The following CAPN2 variants were observed in gnomAD, a reference collection of about 807,000 sequenced individuals.
The protein encoded by CAPN2 is calpain-2 catalytic subunit.
CAPN2 carries 92 observed loss-of-function variants against 102.3 expected under a neutral mutation model. The observed-to-expected ratio is 0.90, with a 90% CI of 0.76 to 1.07. The LOEUF (loss-of-function observed/expected upper bound fraction) is 1.07, where lower values mean the gene tolerates loss of function less well. Ranked by LOEUF, CAPN2 falls within the 50% of genes least tolerant of loss-of-function variation. The pLI is 0.00. For missense variants in CAPN2, 800 were observed against 909.4 expected, an observed-to-expected ratio of 0.88 and a Z score of 1.55; for synonymous variants, 340 against 355.4, an observed-to-expected ratio of 0.96 and a Z score of 0.49.
Position 223,772,220 on chromosome 1 carries a change from T to A in CAPN2, c.2060T>A (p.Ile687Lys). Residue 687 changes from isoleucine to lysine, a missense_variant, in exon 20 of 21, where the codon ATA becomes AAA. By Grantham distance (102) the Ile-to-Lys change is moderately radical. Coordinates refer to ENST00000295006, the MANE Select transcript of CAPN2 (RefSeq NM_001748.5). ...KQLDPENTGTIELDLISWLCF... is the reference protein window; with the variant it reads ...KQLDPENTGTKELDLISWLCF... The stretch of plus-strand genomic sequence containing the variant: ...CTGGATCCCGAGAATACTGGAACAA[T>A]AGAGCTCGACCTTATCTCTGTGAGT... 1 of 1,614,098 alleles carries A rather than the reference T, an allele frequency of 6.2e-7. No homozygotes were observed. Among genetic ancestry groups the A allele is most frequent in the Non-Finnish European group, 8.5e-7 (1 of 1,179,994 alleles).
chr1:223,773,945 G>T (rs1459769966), intron 20 of CAPN2, among the ~76,000 whole-genome samples: 1 of 152,034 alleles, frequency 6.6e-6, no homozygotes, highest in East Asian at 1.9e-4. Flanking sequence ...AAGGTGGGAG[G>T]AACACCTGAG....
Position 223,759,268 on chromosome 1 carries a change from A to T in CAPN2, c.1318-2A>T. 6.2e-7 allele frequency: 1 copy of T among 1,613,618 alleles called. No homozygotes were observed. Among genetic ancestry groups the T allele is most frequent in the East Asian group, 2.2e-5 (1 of 44,882 alleles). ...CCCCATGTTTCTCTATTTATTCCTC[A>T]GTTAAGTGGGCAGACCAACATCCAC... On this transcript the variant is annotated splice_acceptor_variant, in intron 11 of 20. Coordinates refer to ENST00000295006, the MANE Select transcript of CAPN2 (RefSeq NM_001748.5). LOFTEE classifies it high-confidence loss of function. The surrounding 1 kb of genome is among the most constrained non-coding windows in gnomAD (Gnocchi z 4.6).
Position 223,717,796 on chromosome 1 carries a change from G to A in CAPN2, c.272G>A (p.Gly91Glu). The A allele has an allele frequency of 6.2e-7, 1 of 1,614,158 alleles. No individual in the cohort carries two copies. Among genetic ancestry groups the A allele is most frequent in the Non-Finnish European group, 8.5e-7 (1 of 1,179,970 alleles). ...ICADPQFIIG[G>E]ATRTDICQGA... Reference sequence around the variant, plus strand: ...GCTGACCCCCAGTTTATCATTGGAGGAGCCACCCGCACAGACATCTGCCAA... The same window carrying A: ...GCTGACCCCCAGTTTATCATTGGAGAAGCCACCCGCACAGACATCTGCCAA... Residue 91 changes from glycine to glutamate, a missense_variant, in exon 2 of 21, where the codon GGA (glycine) becomes GAA (glutamate). Coordinates refer to ENST00000295006, the MANE Select transcript of CAPN2 (RefSeq NM_001748.5).
rs1303117106 is a variant in CAPN2 at position 223,756,044 on chromosome 1, A to G, written c.1305+395A>G. The stretch of plus-strand genomic sequence containing the variant: ...TGAGTCCATGGGTGCAGCTGCTCAG[A>G]GCTCGGCAAAGTCATTGGCCTGGAT... On this transcript the variant is annotated intron_variant, in intron 10 of 20. Coordinates refer to ENST00000295006, the MANE Select transcript of CAPN2 (RefSeq NM_001748.5). The surrounding 1 kb of genome is among the most constrained non-coding windows in gnomAD (Gnocchi z 4.1). 6.6e-6 allele frequency among the ~76,000 whole-genome samples: 1 copy of G among 152,234 alleles called. No homozygotes were observed. The highest frequency in any genetic ancestry group is 1.5e-5 in the Non-Finnish European group (1 of 68,050).
chr1:223,752,871 C>T lies in CAPN2; in HGVS notation c.1050C>T (p.Ser350=), dbSNP rs1298019041. The change falls in exon 9 of 21, where the codon AGC becomes AGT. Residue 350 remains serine (S), a synonymous_variant. Coordinates refer to ENST00000295006, the MANE Select transcript of CAPN2 (RefSeq NM_001748.5). Reference sequence around the variant, plus strand: ...ACCTGACCCCAGACACTCTCACCAGCGATACCTACAAGAAGTGGAAACTCA... The same window carrying T: ...ACCTGACCCCAGACACTCTCACCAGTGATACCTACAAGAAGTGGAAACTCA... ...ICNLTPDTLT[S]DTYKKWKLTK... The T allele has an allele frequency of 3.2e-5, 52 of 1,613,976 alleles. No individual in the cohort carries two copies. The highest frequency in any genetic ancestry group is 3.1e-4 in the East Asian group (14 of 44,886).
chr1:223,744,162 G>A lies in CAPN2; in HGVS notation c.370G>A (p.Val124Ile). ...CTTGAATGAAGAAATCCTGGCTCGA[G>A]TCGTCCCCCTAAACCAGAGCTTCCA... ...LTLNEEILARVVPLNQSFQEN... is the reference protein window; with the variant it reads ...LTLNEEILARIVPLNQSFQEN... Residue 124 changes from valine to isoleucine, a missense_variant, in exon 3 of 21, where the codon GTC becomes ATC. Physicochemically the swap from Val to Ile is conservative, Grantham distance 29 (BLOSUM62 3). Transcript: ENST00000295006. 6.2e-7 allele frequency: 1 copy of A among 1,614,186 alleles called. No individual in the cohort carries two copies. The highest frequency in any genetic ancestry group is 8.5e-7 in the Non-Finnish European group (1 of 1,180,022).
intron 14 of CAPN2, among the ~76,000 whole-genome samples, chr1:223,763,099 G>A (rs758472013): frequency 2.4e-4 from 36 of 151,632 alleles, no homozygotes; most frequent in Non-Finnish European, 3.4e-4. Context: ...CTGGAATTAC[G>A]GGTGTGAGCC....
intron 12 of CAPN2, among the ~76,000 whole-genome samples, chr1:223,760,706 C>A (rs1471937246): frequency 6.6e-6 from 1 of 152,220 alleles, no homozygotes; most frequent in Non-Finnish European, 1.5e-5. Context: ...ACAAGTCACT[C>A]TCCCAGGGAA....
At chr1:223,760,817 TCTG>T (rs1048538592) in intron 12 of CAPN2, among the ~76,000 whole-genome samples, 12 of 152,168 alleles carry the variant, frequency 7.9e-5, no homozygotes, top group African/African-American at 2.7e-4. Flanking sequence ...TATTAATCCT[TCTG>T]CTCCAGATTC....
At chr1:223,729,529 C>T (rs1660278088) in intron 2 of CAPN2, among the ~76,000 whole-genome samples, 1 of 152,152 alleles carries the variant, frequency 6.6e-6, no homozygotes. Context: ...GGTTGGTTTA[C>T]AGCTTGGTTT....
intron 18 of CAPN2, 53 bp downstream of exon 18, chr1:223,770,578 T>C (rs1661448290): frequency 8.6e-7 from 1 of 1,169,070 alleles, no homozygotes. Flanking sequence ...CTGTAGAATA[T>C]GTGAACACTC....
rs1355347520 is a variant in CAPN2 at position 223,775,973 on chromosome 1, T to C, written c.*1116T>C. 1 of 152,530 alleles carries C rather than the reference T, an allele frequency of 6.6e-6. No homozygotes were observed. The highest frequency in any genetic ancestry group is 1.5e-5 in the Non-Finnish European group (1 of 68,036). The allele number at this position is 152,530 out of a possible 1,614,324, so 9.4% of individuals were successfully genotyped here. On this transcript the variant is annotated 3_prime_UTR_variant, in exon 21 of 21. Transcript: ENST00000295006. Reference sequence around the variant, plus strand: ...TCATGTATTCAAAGGAAAAGACACCTTGCCTATAATTAAAATGTGGAACTA... The same window carrying C: ...TCATGTATTCAAAGGAAAAGACACCCTGCCTATAATTAAAATGTGGAACTA...
intron 15 of CAPN2, among the ~76,000 whole-genome samples, chr1:223,764,443 A>G (rs755358870): frequency 1.3e-5 from 2 of 152,078 alleles, no homozygotes; most frequent in African/African-American, 2.4e-5. Context: ...TGTGTGATCT[A>G]TTTTTTTAAT....
intron 3 of CAPN2, 152 bp from the exon 4 acceptor site, chr1:223,745,154 T>G (rs1001568876): frequency 1.1e-6 from 1 of 917,138 alleles, no homozygotes; most frequent in African/African-American, 1.7e-5. Flanking sequence ...GGACTTGGCC[T>G]GCATAGGAGA....
intron 2 of CAPN2, among the ~76,000 whole-genome samples, chr1:223,736,306 A>G (rs1660454865): frequency 1.3e-5 from 2 of 152,204 alleles, no homozygotes; most frequent in African/African-American, 2.4e-5. Context: ...AGGGCAGTCA[A>G]GCGCCTAGAA....
In CAPN2 at chr1:223,752,807, G is replaced by A. The variant is rs778953865; in HGVS notation, c.986G>A (p.Ser329Asn). The change falls in exon 9 of 21, where the codon AGT becomes AAT. Residue 329 changes from serine (S) to asparagine (N), a missense_variant. Ser to Asn is a conservative substitution (Grantham distance 46). Transcript: ENST00000295006. ...HEDGEFWMSF[S>N]DFLRHYSRLE... ...TCTGCTTTTGCCAGGATGTCTTTCA[G>A]TGACTTCCTGAGGCACTATTCCCGC... 6.2e-7 allele frequency: 1 copy of A among 1,614,102 alleles called. No individual in the cohort carries two copies. Among genetic ancestry groups the A allele is most frequent in the East Asian group, 2.2e-5 (1 of 44,884 alleles).
chr1:223,705,695 G>A lies in CAPN2; in HGVS notation c.3+3864G>A, dbSNP rs567260630. ...CTGAGGTGATCACTTCCCATGGAGT[G>A]GAGAAAAGCATGCTGCTCTATATTT... is the stretch of plus-strand genomic sequence containing the variant. On this transcript the variant is annotated intron_variant, in intron 1 of 20. Coordinates refer to the CAPN2 transcript ENST00000433674. 2.0e-5 allele frequency among the ~76,000 whole-genome samples: 3 copies of A among 152,262 alleles called. No homozygotes were observed. The East Asian group carries it at 5.8e-4, about 29-fold the overall frequency.
At chr1:223,762,368 A>G in intron 14 of CAPN2, 117 bp downstream of exon 14, 1 of 822,086 alleles carries the variant, frequency 1.2e-6, no homozygotes. Context: ...ACAAAAGCAA[A>G]GAGAAATTGC....
upstream of CAPN2, among the ~76,000 whole-genome samples, chr1:223,710,735 G>A (rs928225998): frequency 2.6e-5 from 4 of 152,044 alleles, no homozygotes; most frequent in Admixed American, 2.0e-4. Flanking sequence ...ATTGATCCTG[G>A]GCCTTTAGAC....
Sources: allele counts gnomAD v4.1 joint callset (sites outside exome capture counted in the v4.1 genomes callset), GRCh38; gene constraint gnomAD v4.1.1; non-coding constraint Gnocchi (gnomAD v3.1); transcripts MANE v1.5; gene names NCBI Gene and HGNC (gene_info 2026-07-23, HGNC 2026-07-21).